Variants in ARHGAP8 observed in about 807,000 individuals in gnomAD.
ARHGAP8 encodes Rho GTPase activating protein 8, also known as rho GTPase-activating protein 8.
ARHGAP8 carries 62 observed loss-of-function variants against 46.1 expected under a neutral mutation model. The observed-to-expected ratio is 1.34, with a 90% CI of 1.10 to 1.66. The LOEUF (loss-of-function observed/expected upper bound fraction) is 1.66, where lower values mean the gene tolerates loss of function less well. Among genes scored for constraint, ARHGAP8 ranks in the 40% most tolerant of loss-of-function variants. The pLI is 0.00. For synonymous variants in ARHGAP8, 375 were observed against 243.1 expected (o/e 1.54, Z -5.05); for missense variants, 923 against 568.4 (o/e 1.62, Z -6.34).
intron 7 of ARHGAP8, among the ~76,000 whole-genome samples, chr22:44,834,838 G>A (rs1376618631): frequency 7.0e-5 from 1 of 14,210 alleles, no homozygotes; most frequent in Non-Finnish European, 1.6e-4. Flanking sequence ...ATCCTTGCAT[G>A]ATGATAAAAA....
intron 11 of ARHGAP8, 66 bp downstream of exon 11, chr22:44,859,900 T>G (rs902246019): frequency 1.5e-5 from 23 of 1,549,764 alleles, no homozygotes; most frequent in Non-Finnish European, 1.8e-5. Context: ...TGGGCCCGCA[T>G]GGACCAGTCC....
chr22:44,764,750 G>C (rs140535121), intron 1 of ARHGAP8, among the ~76,000 whole-genome samples: 3 of 152,224 alleles, frequency 2.0e-5, no homozygotes, highest in African/African-American at 7.2e-5. Flanking sequence ...CTGAGTGTGC[G>C]GAAAAGTCCT....
chr22:44,816,261 CAG>C (rs1168872069), intron 5 of ARHGAP8, among the ~76,000 whole-genome samples: 1 of 152,166 alleles, frequency 6.6e-6, no homozygotes, highest in Non-Finnish European at 1.5e-5. Context: ...AGCACTCAGA[CAG>C]AGCTGGAATG....
At chr22:44,798,965 G>A (rs1928292022) in intron 2 of ARHGAP8, among the ~76,000 whole-genome samples, 1 of 152,208 alleles carries the variant, frequency 6.6e-6, no homozygotes, top group Non-Finnish European at 1.5e-5. Flanking sequence ...CCTGGAAGGT[G>A]CAGGTGTGGG....
At chr22:44,805,845 A>G (rs1044282469) in intron 3 of ARHGAP8, among the ~76,000 whole-genome samples, 2 of 152,190 alleles carry the variant, frequency 1.3e-5, no homozygotes, top group Admixed American at 1.3e-4. Flanking sequence ...GGCCAGATGC[A>G]TGCTCCTATT....
intron 7 of ARHGAP8, among the ~76,000 whole-genome samples, chr22:44,839,269 C>T (rs541399157): frequency 2.1e-4 from 32 of 152,306 alleles, no homozygotes; most frequent in African/African-American, 7.2e-4. Context: ...TCCTGAAGGT[C>T]ACGCCAGCCC....
chr22:44,862,165 C>T (rs1041609120), intron 11 of ARHGAP8, 110 bp from the exon 12 acceptor site: 11 of 1,342,268 alleles, frequency 8.2e-6, no homozygotes, highest in Non-Finnish European at 9.9e-6. Flanking sequence ...GGCTCCCAGT[C>T]CAGTGCTCCT....
intron 11 of ARHGAP8, among the ~76,000 whole-genome samples, chr22:44,860,839 C>T (rs1022104090): frequency 6.6e-6 from 1 of 152,204 alleles, no homozygotes; most frequent in African/African-American, 2.4e-5. Context: ...CCCTCCATCT[C>T]TCCAGGCCTT....
intron 5 of ARHGAP8, among the ~76,000 whole-genome samples, chr22:44,818,723 T>A (rs1170731069): frequency 6.6e-6 from 1 of 152,154 alleles, no homozygotes; most frequent in African/African-American, 2.4e-5. Flanking sequence ...TTTTCATAGG[T>A]TCTTGTTCCA....
intron 2 of ARHGAP8, among the ~76,000 whole-genome samples, chr22:44,796,538 G>A (rs542349489): frequency 1.9e-4 from 29 of 151,932 alleles, no homozygotes; most frequent in African/African-American, 5.8e-4. Flanking sequence ...TCACTCTGTG[G>A]CCTGTGATCC....
intron 1 of ARHGAP8, among the ~76,000 whole-genome samples, chr22:44,774,927 T>G (rs933579777): frequency 4.0e-5 from 6 of 151,730 alleles, no homozygotes; most frequent in African/African-American, 9.7e-5. Context: ...GCTTCCTGGG[T>G]TCAAGTGATT....
chr22:44,849,623 G>A (rs1358025625), intron 10 of ARHGAP8: 1 of 152,762 alleles, frequency 6.5e-6, no homozygotes, highest in Admixed American at 6.5e-5. Flanking sequence ...GTGATGCCTC[G>A]AAAGAACCAT....
At chr22:44,837,361 G>C (rs140563088) in intron 7 of ARHGAP8, among the ~76,000 whole-genome samples, 1 of 152,344 alleles carries the variant, frequency 6.6e-6, no homozygotes, top group African/African-American at 2.4e-5. Flanking sequence ...CTGTCGGAAA[G>C]CCAGGTGGGA....
intron 5 of ARHGAP8, among the ~76,000 whole-genome samples, chr22:44,817,182 C>T (rs925903164): frequency 1.5e-4 from 23 of 152,292 alleles, no homozygotes; most frequent in African/African-American, 4.3e-4. Context: ...CCACCATGCC[C>T]GGCCTTCTTT....
At chr22:44,861,263 G>A (rs1031263432) in intron 11 of ARHGAP8, among the ~76,000 whole-genome samples, 10 of 152,292 alleles carry the variant, frequency 6.6e-5, no homozygotes, top group African/African-American at 2.2e-4. Context: ...GTGAGCCACT[G>A]CACCCAGCCT....
chr22:44,848,109 G>A (rs940627273), intron 9 of ARHGAP8, 59 bp downstream of exon 9: 50 of 1,591,648 alleles, frequency 3.1e-5, no homozygotes, highest in Admixed American at 1.0e-4. Context: ...ACAGCGCTCC[G>A]GGGCCTCAGA....
chr22:44,802,021 C>T (rs982895883), intron 2 of ARHGAP8, 56 bp from the exon 3 acceptor site: 53 of 1,605,074 alleles, frequency 3.3e-5, no homozygotes, highest in Non-Finnish European at 4.3e-5. Context: ...TGCTAAGTGC[C>T]TGAGGATTTT....
chr22:44,800,625 GGGC>G (rs1488693203), intron 2 of ARHGAP8, among the ~76,000 whole-genome samples: 7 of 69,474 alleles, frequency 1.0e-4, no homozygotes, highest in East Asian at 6.6e-4. Flanking sequence ...CATGTGTGGG[GGGC>G]GCCCCTCCCC....
intron 10 of ARHGAP8, 134 bp from the exon 11 acceptor site, chr22:44,859,597 G>C: frequency 1.1e-6 from 1 of 891,666 alleles, no homozygotes; most frequent in Admixed American, 2.3e-5. Flanking sequence ...AGATAAGTGG[G>C]GGTCCCAAGC....
Sources: gnomAD v4.1 joint callset for allele counts (sites outside exome capture counted in the v4.1 genomes callset) on GRCh38, gnomAD v4.1.1 for gene constraint, MANE v1.5 for transcripts, NCBI Gene and HGNC (gene_info 2026-07-23, HGNC 2026-07-21) for gene names.